The following GRIK2 variants were observed in gnomAD, a reference collection of about 807,000 sequenced individuals.
GRIK2 encodes the protein glutamate ionotropic receptor kainate type subunit 2.
A neutral mutation model predicts 100.3 loss-of-function variants in GRIK2; 32 were observed. That is an observed-to-expected ratio of 0.32 (90% CI 0.24 to 0.43). The LOEUF (loss-of-function observed/expected upper bound fraction) is 0.43, where lower values mean the gene tolerates loss of function less well. Ranked by LOEUF, GRIK2 falls within the 20% of genes least tolerant of loss-of-function variation. GRIK2 has a pLI of 1.00. For synonymous variants in GRIK2, 417 were observed against 389.4 expected (o/e 1.07, Z -0.83); for missense variants, 843 against 1,114.9 (o/e 0.76, Z 3.47).
chr6:102,035,734 C>T (rs1393885606), intron 15 of GRIK2, among the ~76,000 whole-genome samples, 168 bp downstream of exon 15: 1 of 151,220 alleles, frequency 6.6e-6, no homozygotes, highest in Non-Finnish European at 1.5e-5. Context: ...ACATATTCTT[C>T]TGAATAGATA....
At chr6:101,958,017 G>A (rs75124819) in intron 14 of GRIK2, among the ~76,000 whole-genome samples, 13 of 151,732 alleles carry the variant, frequency 8.6e-5, no homozygotes, top group African/African-American at 2.9e-4. Context: ...GCTATATTTT[G>A]GTTTCATATT....
chr6:101,968,136 T>TA (rs963453301), intron 14 of GRIK2, among the ~76,000 whole-genome samples: 12 of 150,738 alleles, frequency 8.0e-5, no homozygotes, highest in South Asian at 2.1e-4. Flanking sequence ...TTTCAAAAGT[T>TA]AAAAAAAAAC....
At chr6:101,877,148 CAT>C (rs769526261) in intron 11 of GRIK2, among the ~76,000 whole-genome samples, 62 of 151,850 alleles carry the variant, frequency 4.1e-4, no homozygotes, top group Non-Finnish European at 7.4e-4. Flanking sequence ...CACACACACA[CAT>C]ATATATATGT....
chr6:101,825,424 A>G (rs569958870), intron 10 of GRIK2, among the ~76,000 whole-genome samples: 2 of 152,324 alleles, frequency 1.3e-5, no homozygotes, highest in East Asian at 3.9e-4. Context: ...TGGTAGAGAA[A>G]GAAGAAATAA....
At chr6:101,709,314 T>C (rs1309681541) in intron 7 of GRIK2, among the ~76,000 whole-genome samples, 1 of 151,810 alleles carries the variant, frequency 6.6e-6, no homozygotes, top group Non-Finnish European at 1.5e-5. Flanking sequence ...AATAAATGTC[T>C]GTGTTTTAAG....
intron 15 of GRIK2, among the ~76,000 whole-genome samples, chr6:102,051,734 C>T (rs915742206): frequency 2.6e-5 from 4 of 152,080 alleles, no homozygotes; most frequent in African/African-American, 9.7e-5. Flanking sequence ...GTCTACCTTC[C>T]TCCACTCATT....
intron 2 of GRIK2, among the ~76,000 whole-genome samples, chr6:101,405,750 A>C (rs1046777612): frequency 7.2e-5 from 11 of 152,114 alleles, no homozygotes; most frequent in African/African-American, 2.7e-4. Flanking sequence ...AATCAGTCCC[A>C]AGGTGAAAGT....
chr6:101,908,572 A>G (rs1208093171), intron 12 of GRIK2, among the ~76,000 whole-genome samples: 2 of 151,480 alleles, frequency 1.3e-5, no homozygotes, highest in Non-Finnish European at 3.0e-5. Context: ...TACCATAAAA[A>G]AGATCCAGGG....
At chr6:102,063,888 T>G (rs531791078) in intron 16 of GRIK2, 1 of 678,700 alleles carries the variant, frequency 1.5e-6, no homozygotes, top group African/African-American at 1.9e-5. Context: ...TATAATGAAT[T>G]TTATTAAGAG....
At chr6:102,022,371 G>A (rs999045269) in intron 14 of GRIK2, among the ~76,000 whole-genome samples, 7 of 151,612 alleles carry the variant, frequency 4.6e-5, no homozygotes, top group Admixed American at 3.3e-4. Flanking sequence ...ACACTCACAG[G>A]TACACACATA....
intron 2 of GRIK2, among the ~76,000 whole-genome samples, chr6:101,434,796 T>TA (rs2128244248): frequency 6.6e-6 from 1 of 152,184 alleles, no homozygotes; most frequent in East Asian, 1.9e-4. Context: ...GGTACCACTG[T>TA]AAATGGGGCA....
chr6:101,468,543 A>G (rs1412292158), intron 2 of GRIK2, among the ~76,000 whole-genome samples: 1 of 152,126 alleles, frequency 6.6e-6, no homozygotes, highest in Admixed American at 6.5e-5. Flanking sequence ...AAAGTTGAAA[A>G]TGTTGTTCTA....
chr6:101,665,137 C>A (rs1769924522), intron 4 of GRIK2, among the ~76,000 whole-genome samples: 1 of 152,122 alleles, frequency 6.6e-6, no homozygotes, highest in Non-Finnish European at 1.5e-5. Flanking sequence ...TGGCTATGAC[C>A]AGGTAGGTGC....
At chr6:101,986,377 T>C (rs1794016229) in intron 14 of GRIK2, among the ~76,000 whole-genome samples, 1 of 151,876 alleles carries the variant, frequency 6.6e-6, no homozygotes, top group South Asian at 2.1e-4. Context: ...AAAAGTGATA[T>C]AGCTACTAGT....
At chr6:101,893,284 A>T (rs181228069) in intron 12 of GRIK2, among the ~76,000 whole-genome samples, 30 of 151,736 alleles carry the variant, frequency 2.0e-4, no homozygotes, top group Non-Finnish European at 3.5e-4. Context: ...AAGAAAGATC[A>T]TGTTTCAAAA....
At chr6:101,660,305 G>A (rs534613825) in intron 4 of GRIK2, among the ~76,000 whole-genome samples, 1 of 152,152 alleles carries the variant, frequency 6.6e-6, no homozygotes, top group South Asian at 2.1e-4. Context: ...TTCTCGTGCT[G>A]TGTTTTTCAG....
intron 4 of GRIK2, 50 bp downstream of exon 4, chr6:101,626,687 T>C: frequency 6.6e-7 from 1 of 1,504,582 alleles, no homozygotes; most frequent in African/African-American, 1.4e-5. Flanking sequence ...ATAGATAATT[T>C]TCTGAAGCCC....
chr6:101,447,911 C>T (rs144330049), intron 2 of GRIK2, among the ~76,000 whole-genome samples: 6 of 151,766 alleles, frequency 4.0e-5, no homozygotes, highest in African/African-American at 1.2e-4. Flanking sequence ...TTCCCTGATT[C>T]TCTTGTCATT....
At chr6:102,009,010 A>C (rs1171217447) in intron 14 of GRIK2, among the ~76,000 whole-genome samples, 1 of 152,130 alleles carries the variant, frequency 6.6e-6, no homozygotes, top group Admixed American at 6.5e-5. Flanking sequence ...CTTAAAATTA[A>C]CATCAAAAAG....
Sources: gnomAD v4.1 joint callset for allele counts (sites outside exome capture counted in the v4.1 genomes callset) on GRCh38, gnomAD v4.1.1 for gene constraint, MANE v1.5 for transcripts, NCBI Gene and HGNC (gene_info 2026-07-23, HGNC 2026-07-21) for gene names.